Variants in CALY observed in about 807,000 individuals in gnomAD.
CALY encodes the protein neuron-specific vesicular protein calcyon.
Under a neutral mutation model 20.2 loss-of-function variants are expected in CALY, and 15 were observed. The observed-to-expected ratio is 0.74, with a 90% CI of 0.50 to 1.14. The LOEUF (loss-of-function observed/expected upper bound fraction) is 1.14, where lower values mean the gene tolerates loss of function less well. Among genes scored for constraint, CALY ranks in the 50% most tolerant of loss-of-function variants. The pLI is 0.00. For missense variants in CALY, 270 were observed against 304.4 expected, an observed-to-expected ratio of 0.89 and a Z score of 0.84; for synonymous variants, 129 against 131.8, an observed-to-expected ratio of 0.98 and a Z score of 0.15.
At chr10:133,328,125 G>A (rs960253721) in intron 2 of CALY, 110 bp from the exon 3 acceptor site, 9 of 711,462 alleles carry the variant, frequency 1.3e-5, no homozygotes, top group Admixed American at 2.3e-5. Context: ...TGGTGTTGAC[G>A]CTGACCCATC....
Position 133,328,846 on chromosome 10 carries a change from G to T in CALY, c.135+9C>A. On this transcript the variant is annotated intron_variant, in intron 2 of 5. Coordinates refer to ENST00000252939, the MANE Select transcript of CALY (RefSeq NM_015722.4). The stretch of plus-strand genomic sequence containing the variant: ...TGAGAAGGGCCCCCACGCTGGCCCA[G>T]GCCCTCACCTGGTCAGGGAGTGGCG... 1 of 1,545,794 alleles carries T rather than the reference G, an allele frequency of 6.5e-7. No individual in the cohort carries two copies.
At chr10:133,334,711 C>A (rs945810367) in intron 1 of CALY, among the ~76,000 whole-genome samples, 5 of 151,024 alleles carry the variant, frequency 3.3e-5, no homozygotes, top group African/African-American at 2.4e-5. Context: ...AGAGTGCGGC[C>A]GGTGAACGAG....
chr10:133,335,062 A>G (rs143086967), intron 1 of CALY, among the ~76,000 whole-genome samples: 2,310 of 152,212 alleles, frequency 0.015, 26 homozygotes, highest in Middle Eastern at 0.024. Context: ...GGGCTCAGAT[A>G]CAGGAGCGAT....
intron 1 of CALY, among the ~76,000 whole-genome samples, chr10:133,336,110 C>T (rs1301963132): frequency 1.3e-5 from 2 of 152,110 alleles, no homozygotes; most frequent in East Asian, 1.9e-4. Context: ...CCCGCCCAGC[C>T]CCCGCGGGCG....
chr10:133,334,690 C>T (rs1213792418), intron 1 of CALY, among the ~76,000 whole-genome samples: 6 of 151,618 alleles, frequency 4.0e-5, no homozygotes, highest in Non-Finnish European at 7.4e-5. Flanking sequence ...GGGGAAGGAT[C>T]TGCGTGGGCG....
At chr10:133,333,482 G>A (rs1184134305) in intron 1 of CALY, among the ~76,000 whole-genome samples, 1 of 149,898 alleles carries the variant, frequency 6.7e-6, no homozygotes, top group Admixed American at 6.6e-5. Flanking sequence ...ATATGACGCG[G>A]GGGGAAGGAT....
At chr10:133,336,138 C>T (rs998396677) in intron 1 of CALY, among the ~76,000 whole-genome samples, 2 of 152,168 alleles carry the variant, frequency 1.3e-5, no homozygotes, top group African/African-American at 2.4e-5. Flanking sequence ...AGCCTCCCGC[C>T]CCTGGCGCTG....
chr10:133,327,210 G>T (rs1162977392), intron 3 of CALY, among the ~76,000 whole-genome samples: 1 of 152,250 alleles, frequency 6.6e-6, no homozygotes, highest in Non-Finnish European at 1.5e-5. Flanking sequence ...CTCCACTGGG[G>T]TTCTGGAAAC....
chr10:133,329,389 C>CTT (rs1325679515), intron 1 of CALY, among the ~76,000 whole-genome samples: 22 of 99,612 alleles, frequency 2.2e-4, no homozygotes, highest in South Asian at 9.6e-4. Flanking sequence ...TCTTCTTCTT[C>CTT]TTCTTTTTTT....
At chr10:133,336,376 C>T (rs1179499064) in intron 1 of CALY, among the ~76,000 whole-genome samples, 1 of 148,996 alleles carries the variant, frequency 6.7e-6, no homozygotes, top group Admixed American at 6.7e-5. Flanking sequence ...CCACCCCCAA[C>T]CCCCGTGCGG....
At chr10:133,335,227 G>C (rs780339438) in intron 1 of CALY, among the ~76,000 whole-genome samples, 9 of 152,108 alleles carry the variant, frequency 5.9e-5, no homozygotes, top group Non-Finnish European at 1.2e-4. Flanking sequence ...TCCCCGGAGC[G>C]GACGCCCAGA....
chr10:133,334,056 G>T (rs1355813667), intron 1 of CALY, among the ~76,000 whole-genome samples: 1 of 75,610 alleles, frequency 1.3e-5, no homozygotes, highest in Non-Finnish European at 2.5e-5. Flanking sequence ...AGGCTCTGAG[G>T]GGGGAAGGCT....
chr10:133,333,978 G>T (rs1281244362), intron 1 of CALY, among the ~76,000 whole-genome samples: 1 of 37,812 alleles, frequency 2.6e-5, no homozygotes, highest in African/African-American at 1.4e-4. Context: ...GGCTCTGAGG[G>T]GGGAAGGACA....
At chr10:133,326,181 G>A (rs1487559801) in intron 4 of CALY, 61 bp from the exon 5 acceptor site, 43 of 1,565,528 alleles carry the variant, frequency 2.7e-5, no homozygotes, top group Admixed American at 5.7e-5. Context: ...CCCGGGCCCA[G>A]GCCCTCCCGC....
intron 2 of CALY, 66 bp downstream of exon 2, chr10:133,328,789 T>C: frequency 6.8e-7 from 1 of 1,462,012 alleles, no homozygotes; most frequent in South Asian, 1.3e-5. Flanking sequence ...TAGACAAACC[T>C]CACCCCACAC....
chr10:133,325,735 C>T, intron 5 of CALY, 64 bp downstream of exon 5: 4 of 705,672 alleles, frequency 5.7e-6, no homozygotes, highest in East Asian at 4.1e-5. Context: ...GGCTCAGAAG[C>T]GGTGGCGGGA....
In CALY at chr10:133,328,849, C is replaced by T. The variant is rs1276376633; in HGVS notation, c.135+6G>A. On this transcript the variant is annotated splice_donor_region_variant and intron_variant, in intron 2 of 5. Coordinates refer to ENST00000252939, the MANE Select transcript of CALY (RefSeq NM_015722.4). Reference sequence around the variant, plus strand: ...GAAGGGCCCCCACGCTGGCCCAGGCCCTCACCTGGTCAGGGAGTGGCGGCT... The same window carrying T: ...GAAGGGCCCCCACGCTGGCCCAGGCTCTCACCTGGTCAGGGAGTGGCGGCT... 6.5e-7 allele frequency: 1 copy of T among 1,548,266 alleles called. No homozygotes were observed. The highest frequency in any genetic ancestry group is 1.9e-5 in the Admixed American group (1 of 51,544).
chr10:133,335,573 C>T (rs1212321600), intron 1 of CALY, among the ~76,000 whole-genome samples: 1 of 152,192 alleles, frequency 6.6e-6, no homozygotes, highest in Non-Finnish European at 1.5e-5. Context: ...CCCAGCGCCC[C>T]GGGCGGAATG....
chr10:133,334,837 G>T (rs952088925), intron 1 of CALY, among the ~76,000 whole-genome samples: 9 of 152,032 alleles, frequency 5.9e-5, no homozygotes, highest in Admixed American at 2.6e-4. Context: ...CGTGCCCCTC[G>T]TTGTTGTGTG....
Sources: gnomAD v4.1 joint callset for allele counts (sites outside exome capture counted in the v4.1 genomes callset) on GRCh38, gnomAD v4.1.1 for gene constraint, MANE v1.5 for transcripts, NCBI Gene and HGNC (gene_info 2026-07-23, HGNC 2026-07-21) for gene names.